TEX14: variants seen among roughly 807,000 people sequenced by gnomAD.
TEX14 encodes the protein testis expressed 14, intercellular bridge forming factor, also known as inactive serine/threonine-protein kinase TEX14.
In TEX14, 168 loss-of-function variants were observed where a neutral mutation model predicts 178.6. That is an observed-to-expected ratio of 0.94 (90% confidence interval 0.83 to 1.07). TEX14 has a LOEUF of 1.07. Among genes scored for constraint, TEX14 ranks in the 50% least tolerant of loss-of-function variants. The pLI, the probability that TEX14 is intolerant of heterozygous loss-of-function variation, is 0.00. For synonymous variants in TEX14, 626 were observed against 634.1 expected (o/e 0.99, Z 0.19); for missense variants, 1,730 against 1,753.6 (o/e 0.99, Z 0.24).
chr17:58,652,063 T>A, intron 1 of TEX14, 61 bp from the exon 2 acceptor site: 2 of 1,373,958 alleles, frequency 1.5e-6, no homozygotes, highest in Non-Finnish European at 1.9e-6. Flanking sequence ...GGAAACAACT[T>A]AATTCTTTTA....
At chr17:58,678,525 G>A (rs985538397) in intron 1 of TEX14, among the ~76,000 whole-genome samples, 5 of 152,188 alleles carry the variant, frequency 3.3e-5, no homozygotes, top group Admixed American at 3.3e-4. Flanking sequence ...GTCCTTTGTA[G>A]GGACATGGAT....
chr17:58,644,892 C>T (rs990325831), intron 2 of TEX14, among the ~76,000 whole-genome samples: 10 of 152,040 alleles, frequency 6.6e-5, no homozygotes, highest in Middle Eastern at 3.4e-3. Flanking sequence ...CTCAGGTGAT[C>T]CACCCACCTC....
At chr17:58,586,643 C>G (rs1391041242) in intron 17 of TEX14, among the ~76,000 whole-genome samples, 6 of 152,008 alleles carry the variant, frequency 3.9e-5, no homozygotes, top group Non-Finnish European at 8.8e-5. Flanking sequence ...ACTGCATACT[C>G]TCCACTTTTA....
intron 1 of TEX14, among the ~76,000 whole-genome samples, chr17:58,668,850 A>G (rs1331115638): frequency 6.6e-6 from 1 of 152,136 alleles, no homozygotes; most frequent in Non-Finnish European, 1.5e-5. Flanking sequence ...GGCCCTGAGG[A>G]CTGGGGGGTC....
intron 26 of TEX14, 71 bp from the exon 27 acceptor site, chr17:58,565,895 G>T: frequency 1.6e-6 from 2 of 1,226,578 alleles, no homozygotes; most frequent in South Asian, 2.6e-5. Context: ...TAGAGCAGTG[G>T]TTCTCCAAGG....
In TEX14 at chr17:58,598,848, C is replaced by T. The variant is rs1364130453; in HGVS notation, c.2469+28G>A. ...CCATTTCTTTTCCTGGATCTTTTGC[C>T]AAAATGTCCCCCTTGAAAGTCTCTT... On this transcript the variant is annotated intron_variant, in intron 14 of 31. Coordinates refer to ENST00000349033, the MANE Select transcript of TEX14 (RefSeq NM_031272.5). 3 of 1,551,482 alleles carry T rather than the reference C, an allele frequency of 1.9e-6. No individual in the cohort carries two copies. The East Asian group carries it at 6.8e-5, about 35-fold the overall frequency.
intron 3 of TEX14, among the ~76,000 whole-genome samples, chr17:58,629,379 G>T (rs1019819719): frequency 6.6e-6 from 1 of 151,464 alleles, no homozygotes; most frequent in African/African-American, 2.4e-5. Flanking sequence ...GCTTGCAGCC[G>T]GGTGGCAGAG....
chr17:58,577,307 G>A (rs545204622), intron 21 of TEX14, 68 bp downstream of exon 21: 212 of 624,870 alleles, frequency 3.4e-4, no homozygotes, highest in Non-Finnish European at 4.8e-4. Flanking sequence ...ATATAAACAC[G>A]GAGCATTATC....
chr17:58,598,258 G>A (rs1028406971), intron 14 of TEX14, among the ~76,000 whole-genome samples: 1 of 150,278 alleles, frequency 6.7e-6, no homozygotes, highest in Non-Finnish European at 1.5e-5. Flanking sequence ...AGGTTGTGGT[G>A]AGCCAAGATC....
intron 13 of TEX14, 88 bp from the exon 14 acceptor site, chr17:58,599,754 G>T: frequency 2.1e-5 from 20 of 940,172 alleles, no homozygotes; most frequent in South Asian, 3.7e-5. Flanking sequence ...GGCAAAGACT[G>T]TCAAAAAAAA....
chr17:58,679,230 C>T (rs2047447117), intron 1 of TEX14, among the ~76,000 whole-genome samples: 1 of 152,064 alleles, frequency 6.6e-6, no homozygotes, highest in African/African-American at 2.4e-5. Context: ...TCAGAAGATG[C>T]TAAATTGTTA....
chr17:58,595,917 G>A (rs4305140), intron 14 of TEX14, among the ~76,000 whole-genome samples: 22,080 of 152,220 alleles, frequency 0.15, 2,482 homozygotes, highest in East Asian at 0.31. Flanking sequence ...GGGCGCGGTC[G>A]CTCACACCTG....
At chr17:58,662,350 T>G (rs1478907610) in intron 1 of TEX14, among the ~76,000 whole-genome samples, 2 of 151,276 alleles carry the variant, frequency 1.3e-5, no homozygotes, top group African/African-American at 2.4e-5. Flanking sequence ...CTCAGGAGGC[T>G]GAGGCAGGAG....
Position 58,579,588 on chromosome 17 carries a change from G to T in TEX14, c.3238+77C>A, listed in dbSNP as rs936889760. ...GAGGCTGTCCCTCAGGATCCCCCCA[G>T]CTCTAAACATCTGTGATCCAACAGA... On this transcript the variant is annotated intron_variant, in intron 20 of 31. Transcript: ENST00000349033. 4.0e-6 allele frequency: 5 copies of T among 1,264,732 alleles called. No individual in the cohort carries two copies. In the African/African-American group the frequency reaches 7.4e-5, roughly 19 times the overall value. 78.3% of individuals were successfully genotyped at this position (1,264,732 alleles called of 1,614,324 possible).
chr17:58,686,094 T>C (rs1180396292), intron 1 of TEX14, among the ~76,000 whole-genome samples: 2 of 151,480 alleles, frequency 1.3e-5, no homozygotes, highest in Non-Finnish European at 2.9e-5. Context: ...CTCGCACCTG[T>C]AATCCCAGAA....
At chr17:58,605,199 A>G in intron 10 of TEX14, 70 bp from the exon 11 acceptor site, 1 of 1,486,232 alleles carries the variant, frequency 6.7e-7, no homozygotes, top group Non-Finnish European at 9.1e-7. Context: ...TCATTCATTC[A>G]TTCTTTCATT....
intron 17 of TEX14, among the ~76,000 whole-genome samples, chr17:58,586,326 G>A (rs2044973235): frequency 6.8e-6 from 1 of 147,712 alleles, no homozygotes; most frequent in African/African-American, 2.4e-5. Flanking sequence ...CTTACTTCCA[G>A]GGTGAAAGGC....
intron 9 of TEX14, among the ~76,000 whole-genome samples, chr17:58,612,686 G>T (rs1567735321): frequency 6.9e-6 from 1 of 145,110 alleles, no homozygotes. Flanking sequence ...AGTGAGCAGA[G>T]ATCGTGCCAC....
chr17:58,570,525 G>C, intron 24 of TEX14, 41 bp from the exon 25 acceptor site: 1 of 1,375,380 alleles, frequency 7.3e-7, no homozygotes, highest in South Asian at 1.4e-5. Flanking sequence ...CATGTGTGTT[G>C]AGCTAAAAAG....
Sources: allele counts gnomAD v4.1 joint callset (sites outside exome capture counted in the v4.1 genomes callset), GRCh38; gene constraint gnomAD v4.1.1; transcripts MANE v1.5; gene names NCBI Gene and HGNC (gene_info 2026-07-23, HGNC 2026-07-21).